Variants in ZNF713 observed in about 807,000 individuals in gnomAD.
The protein encoded by ZNF713 is zinc finger protein 713.
In ZNF713, 21 loss-of-function variants were observed where a neutral mutation model predicts 28.7. That is an observed-to-expected ratio of 0.73 (90% CI 0.52 to 1.05). The LOEUF is 1.05. Among genes scored for constraint, ZNF713 ranks in the 50% least tolerant of loss-of-function variants. The pLI is 0.00. For missense variants in ZNF713, 458 were observed against 532.4 expected (o/e 0.86, Z 1.37); for synonymous variants, 167 against 178.0 (o/e 0.94, Z 0.49).
intron 1 of ZNF713, among the ~76,000 whole-genome samples, chr7:55,890,304 G>T (rs1785356603): frequency 6.6e-6 from 1 of 151,950 alleles, no homozygotes; most frequent in Non-Finnish European, 1.5e-5. Flanking sequence ...ACAAAAATTA[G>T]CCGGGTGTGG....
intron 6 of ZNF713, among the ~76,000 whole-genome samples, chr7:55,931,246 A>G (rs1468181147): frequency 6.6e-6 from 1 of 151,970 alleles, no homozygotes; most frequent in Non-Finnish European, 1.5e-5. Context: ...AGATCACGTC[A>G]TTGCTCTCCA....
rs1357492653 is a variant in ZNF713, at chr7:55,940,094, T to C, written c.*88T>C. ...ATCCCATTCAATATCAAATTATTCA[T>C]AGTGGAGAGAAAGCTTATACATAAA... On this transcript the variant is annotated 3_prime_UTR_variant, in exon 7 of 7. Transcript: ENST00000429591. 21 of 1,478,474 alleles carry C rather than the reference T, an allele frequency of 1.4e-5. No homozygotes were observed. The highest frequency in any genetic ancestry group is 1.8e-5 in the Non-Finnish European group (20 of 1,120,844). 91.6% of individuals were successfully genotyped at this position (1,478,474 alleles called of 1,614,324 possible). A position where few individuals can be genotyped will look rare whatever the true frequency, so the allele number is the denominator to read the frequency against.
chr7:55,894,430 A>G (rs1192209438), intron 1 of ZNF713, among the ~76,000 whole-genome samples: 4 of 152,244 alleles, frequency 2.6e-5, no homozygotes. Context: ...ACGAAAGGGT[A>G]ATTTATTTAA....
chr7:55,931,106 T>A (rs984612673), intron 6 of ZNF713, among the ~76,000 whole-genome samples: 2 of 152,106 alleles, frequency 1.3e-5, no homozygotes, highest in African/African-American at 4.8e-5. Flanking sequence ...ACCAACCTGA[T>A]GAAACCCTGT....
chr7:55,912,882 A>G (rs1278070857), intron 4 of ZNF713, among the ~76,000 whole-genome samples, 159 bp downstream of exon 4: 3 of 152,194 alleles, frequency 2.0e-5, no homozygotes, highest in Non-Finnish European at 4.4e-5. Context: ...CCATTCACCT[A>G]TGTAGCTCTT....
At chr7:55,890,486 C>G (rs913355778) in intron 1 of ZNF713, among the ~76,000 whole-genome samples, 9 of 151,580 alleles carry the variant, frequency 5.9e-5, no homozygotes, top group Admixed American at 5.9e-4. Flanking sequence ...CTTTAAGGCC[C>G]TATTTCCAAA....
intron 2 of ZNF713, among the ~76,000 whole-genome samples, chr7:55,907,649 C>T (rs1482027565): frequency 6.6e-6 from 1 of 152,112 alleles, no homozygotes; most frequent in African/African-American, 2.4e-5. Context: ...TCTGTTGTTC[C>T]CCTCTGTATG....
chr7:55,899,321 C>G (rs1486193722), intron 1 of ZNF713, among the ~76,000 whole-genome samples: 1 of 139,882 alleles, frequency 7.1e-6, no homozygotes, highest in Non-Finnish European at 1.5e-5. Flanking sequence ...CCACTGTACT[C>G]CATCCAGCCT....
chr7:55,896,083 A>G (rs1290880905), intron 1 of ZNF713, among the ~76,000 whole-genome samples: 1 of 152,178 alleles, frequency 6.6e-6, no homozygotes, highest in Non-Finnish European at 1.5e-5. Flanking sequence ...GGGGGTGTCC[A>G]GGAGGGTGGT....
At chr7:55,930,970 C>A (rs1786198093) in intron 6 of ZNF713, among the ~76,000 whole-genome samples, 3 of 152,094 alleles carry the variant, frequency 2.0e-5, no homozygotes, top group Admixed American at 6.6e-5. Flanking sequence ...TTCTTGCCAT[C>A]CATAAGATCT....
At chr7:55,893,490 G>A (rs747012301) in intron 1 of ZNF713, among the ~76,000 whole-genome samples, 4 of 152,066 alleles carry the variant, frequency 2.6e-5, no homozygotes, top group Non-Finnish European at 4.4e-5. Flanking sequence ...TGTATTTATG[G>A]CCAGTTATTA....
At chr7:55,899,240 C>A (rs1785526022) in intron 1 of ZNF713, among the ~76,000 whole-genome samples, 1 of 151,226 alleles carries the variant, frequency 6.6e-6, no homozygotes, top group Non-Finnish European at 1.5e-5. Flanking sequence ...GTAGTCCCAG[C>A]TACTTGGGAG....
Position 55,923,250 on chromosome 7 carries a change from A to T in ZNF713, c.176A>T (p.Asp59Val). The change falls in exon 5 of 7, where the codon GAC (aspartate) becomes GTC (valine). Residue 59 changes from aspartate (D) to valine (V), a missense_variant. By Grantham distance (152) the Asp-to-Val change is radical. Transcript: ENST00000429591. ...CCTGCCCAAAAGAACCTCTATCGAG[A>T]CGTGATGCTGGAGAACTACAGGAAT... ...LYPAQKNLYR[D>V]VMLENYRNLV... 6.2e-7 allele frequency: 1 copy of T among 1,613,752 alleles called. No homozygotes were observed. Among genetic ancestry groups the T allele is most frequent in the Non-Finnish European group, 8.5e-7 (1 of 1,179,878 alleles).
At chr7:55,899,003 G>C (rs1785522767) in intron 1 of ZNF713, among the ~76,000 whole-genome samples, 2 of 152,252 alleles carry the variant, frequency 1.3e-5, no homozygotes, top group South Asian at 4.2e-4. Context: ...CTTATGCACT[G>C]TTTGTGGGAA....
rs2116285067 is a variant in ZNF713 at position 55,942,110 on chromosome 7, C to T, written c.*2104C>T. On this transcript the variant is annotated 3_prime_UTR_variant, in exon 7 of 7. Coordinates refer to ENST00000429591, the MANE Select transcript of ZNF713 (RefSeq NM_182633.3). ...AGAATTCCCATGCCACCCCGTATCA[C>T]TGTGGAAGATGGAGAAGTGAGGAAC... is the stretch of plus-strand genomic sequence containing the variant. The T allele has an allele frequency of 6.6e-6, 1 of 152,172 alleles. No individual in the cohort carries two copies. Among genetic ancestry groups the T allele is most frequent in the East Asian group, 1.9e-4 (1 of 5,176 alleles). 9.4% of individuals were successfully genotyped at this position (152,172 alleles called of 1,614,324 possible).
At chr7:55,887,869 GGC>G (rs1491550413) in intron 1 of ZNF713, among the ~76,000 whole-genome samples, 189 bp downstream of exon 1, 7,549 of 15,218 alleles carry the variant, frequency 0.5, 2,421 homozygotes, top group African/African-American at 0.53. Context: ...GGCGGGCGGC[GGC>G]GGCGGCGGCG....
chr7:55,896,000 A>T (rs1785466570), intron 1 of ZNF713, among the ~76,000 whole-genome samples: 1 of 152,116 alleles, frequency 6.6e-6, no homozygotes, highest in African/African-American at 2.4e-5. Flanking sequence ...CTGTATGGAA[A>T]ATTAATGGCA....
chr7:55,935,100 A>T (rs1222676587), intron 6 of ZNF713, among the ~76,000 whole-genome samples: 6 of 151,828 alleles, frequency 4.0e-5, no homozygotes, highest in Non-Finnish European at 2.9e-5. Context: ...CGTGTTGGCC[A>T]GGCTGGTCTT....
intron 4 of ZNF713, among the ~76,000 whole-genome samples, chr7:55,921,903 C>T (rs1224425098): frequency 2.6e-5 from 4 of 152,112 alleles, no homozygotes; most frequent in African/African-American, 9.7e-5. Context: ...TTCAGTGCAG[C>T]AAACTTTATT....
Sources: gnomAD v4.1 joint callset for allele counts (sites outside exome capture counted in the v4.1 genomes callset) on GRCh38, gnomAD v4.1.1 for gene constraint, MANE v1.5 for transcripts, NCBI Gene and HGNC (gene_info 2026-07-23, HGNC 2026-07-21) for gene names.